Variants in APOBEC3C observed in about 807,000 individuals in gnomAD.
The protein encoded by APOBEC3C is DNA dC->dU-editing enzyme APOBEC-3C.
A neutral mutation model predicts 20.6 loss-of-function variants in APOBEC3C; 14 were observed. The observed-to-expected ratio is 0.68, with a 90% confidence interval of 0.45 to 1.06. APOBEC3C has a LOEUF of 1.06. Ranked by LOEUF, APOBEC3C falls within the 50% of genes least tolerant of loss-of-function variation. APOBEC3C has a pLI of 0.00. For missense variants in APOBEC3C, 244 were observed against 241.9 expected (o/e 1.01, Z -0.06); for synonymous variants, 98 against 88.8 (o/e 1.10, Z -0.58).
intron 2 of APOBEC3C, among the ~76,000 whole-genome samples, chr22:39,015,978 C>T (rs1026986144): frequency 3.3e-5 from 5 of 150,768 alleles, no homozygotes; most frequent in African/African-American, 7.3e-5. Context: ...CAGGTTCACG[C>T]GATTCTCCTG....
At chr22:39,018,197 TG>T in intron 3 of APOBEC3C, 71 bp from the exon 4 acceptor site, 1 of 1,576,296 alleles carries the variant, frequency 6.3e-7, no homozygotes, top group Non-Finnish European at 8.6e-7. Context: ...ATACCTGGGC[TG>T]GGAGGGGAGG....
At position 39,018,497 on chromosome 22, in the gene APOBEC3C, C is replaced by G. The variant is rs1160911095; in HGVS notation, c.*110C>G. 3 of 1,322,578 alleles carry G rather than the reference C, an allele frequency of 2.3e-6. No individual in the cohort carries two copies. The highest frequency in any genetic ancestry group is 3.0e-5 in the African/African-American group (2 of 67,724). The allele number at this position is 1,322,578 out of a possible 1,614,324, so 81.9% of individuals were successfully genotyped here. ...GTTTCTGCCTGGTCATCCTGAGCCC[C>G]TCCTGGCCTCAGGGCCATTCCACAG... is the stretch of plus-strand genomic sequence containing the variant. On this transcript the variant is annotated 3_prime_UTR_variant, in exon 4 of 4. Transcript: ENST00000361441.
Position 39,018,292 on chromosome 22 carries a change from T to G in APOBEC3C, c.478T>G (p.Phe160Val). Residue 160 changes from phenylalanine (F) to valine (V), a missense_variant, in exon 4 of 4, where the codon TTT becomes GTT. By Grantham distance (50) the Phe-to-Val change is conservative. Transcript: ENST00000361441. ...YEDFKYCWEN[F>V]VYNDNEPFKP... ...AGATTTTAAATATTGTTGGGAAAAC[T>G]TTGTGTACAATGATAATGAGCCATT... 1 of 1,613,900 alleles carries G rather than the reference T, an allele frequency of 6.2e-7. No individual in the cohort carries two copies. The highest frequency in any genetic ancestry group is 8.5e-7 in the Non-Finnish European group (1 of 1,179,916).
rs534555697 is a variant in APOBEC3C, at chr22:39,015,801, A to T, written c.174+50A>T. The T allele has an allele frequency of 7.0e-6, 11 of 1,572,310 alleles. No homozygotes were observed. In the East Asian group the frequency reaches 1.4e-4, roughly 19 times the overall value. ...CCTAAATAGGAGCTAAGCAGCTGGG[A>T]ATGCAGAAAACGCAACAATAAGTGA... On this transcript the variant is annotated intron_variant, in intron 2 of 3. Transcript: ENST00000361441.
rs1464063716 is a variant in APOBEC3C at position 39,015,627 on chromosome 22, T to C, written c.50T>C (p.Phe17Ser). The change falls in exon 2 of 4, where the codon TTC (phenylalanine) becomes TCC (serine). Residue 17 changes from phenylalanine (F) to serine (S), a missense_variant. Phe to Ser is a radical substitution (Grantham distance 155). Transcript: ENST00000361441. ...NPMKAMYPGT[F>S]YFQFKNLWEA... The stretch of plus-strand genomic sequence containing the variant: ...ATGAAGGCAATGTATCCAGGCACAT[T>C]CTACTTCCAATTTAAAAACCTATGG... The C allele has an allele frequency of 6.2e-6, 10 of 1,614,028 alleles. No individual in the cohort carries two copies. Among genetic ancestry groups the C allele is most frequent in the Non-Finnish European group, 7.6e-6 (9 of 1,180,018 alleles).
chr22:39,015,545 G>A (rs370883473), intron 1 of APOBEC3C, 50 bp from the exon 2 acceptor site: 36 of 1,592,400 alleles, frequency 2.3e-5, no homozygotes, highest in Admixed American at 8.6e-5. Flanking sequence ...CAGCCCTGAG[G>A]ACTCCGGTGC....
Position 39,014,343 on chromosome 22 carries a change from G to A in APOBEC3C, c.-20G>A. ...TCAGAAAAGAGTGGGACAGGGACAA[G>A]CATATCTAAGAGGCTGAACATGAAT... is the stretch of plus-strand genomic sequence containing the variant. On this transcript the variant is annotated 5_prime_UTR_variant, in exon 1 of 4. Transcript: ENST00000361441. 6.2e-7 allele frequency: 1 copy of A among 1,614,176 alleles called. No homozygotes were observed. Among genetic ancestry groups the A allele is most frequent in the Non-Finnish European group, 8.5e-7 (1 of 1,180,010 alleles).
rs547553097 is a variant in APOBEC3C at position 39,018,532 on chromosome 22, G to A, written c.*145G>A. On this transcript the variant is annotated 3_prime_UTR_variant, in exon 4 of 4. Coordinates refer to ENST00000361441, the MANE Select transcript of APOBEC3C (RefSeq NM_014508.3). Reference sequence around the variant, plus strand: ...CAGGGCCATTCCACAGTGCTCCCCTGCCTCACCGCTTCCTCCTCGCTCTTC... The same window carrying A: ...CAGGGCCATTCCACAGTGCTCCCCTACCTCACCGCTTCCTCCTCGCTCTTC... 4 of 915,724 alleles carry A rather than the reference G, an allele frequency of 4.4e-6. No homozygotes were observed. Among genetic ancestry groups the A allele is most frequent in the South Asian group, 3.4e-5 (2 of 59,648 alleles). 56.7% of individuals were successfully genotyped at this position (915,724 alleles called of 1,614,324 possible). A position where few individuals can be genotyped will look rare whatever the true frequency, so the allele number is the denominator to read the frequency against.
intron 2 of APOBEC3C, 28 bp downstream of exon 2, chr22:39,015,779 A>G (rs1254524354): frequency 6.2e-7 from 1 of 1,603,476 alleles, no homozygotes; most frequent in Admixed American, 1.7e-5. Context: ...GTTACACCCT[A>G]AATAGGAGCT....
At chr22:39,014,645 T>A (rs1173847338) in intron 1 of APOBEC3C, among the ~76,000 whole-genome samples, 1 of 152,182 alleles carries the variant, frequency 6.6e-6, no homozygotes, top group Non-Finnish European at 1.5e-5. Context: ...CCCGGGCTGG[T>A]GCTTCCCGCC....
At position 39,018,054 on chromosome 22, in the gene APOBEC3C, T is replaced by G; in HGVS notation, c.454+9T>G. On this transcript the variant is annotated intron_variant, in intron 3 of 3. Transcript: ENST00000361441. The stretch of plus-strand genomic sequence containing the variant: ...GATCATGGACTATGAAGGTGAGACG[T>G]GGGGGGCTGAGGAGAGTGGGTGCAG... 6.2e-7 allele frequency: 1 copy of G among 1,613,146 alleles called. No homozygotes were observed. Among genetic ancestry groups the G allele is most frequent in the South Asian group, 1.1e-5 (1 of 91,026 alleles).
chr22:39,015,505 G>A, intron 1 of APOBEC3C, 90 bp from the exon 2 acceptor site: 1 of 1,467,704 alleles, frequency 6.8e-7, no homozygotes, highest in Non-Finnish European at 9.2e-7. Flanking sequence ...AGAGCCCAGG[G>A]ACGTCCAGGC....
At position 39,019,374 on chromosome 22, in the gene APOBEC3C, C is replaced by T. The variant is rs1408051066; in HGVS notation, c.*987C>T. The T allele has an allele frequency of 3.3e-5, 5 of 152,226 alleles. No individual in the cohort carries two copies. The highest frequency in any genetic ancestry group is 7.3e-5 in the Non-Finnish European group (5 of 68,046). 9.4% of individuals were successfully genotyped at this position (152,226 alleles called of 1,614,324 possible). On this transcript the variant is annotated 3_prime_UTR_variant, in exon 4 of 4. Transcript: ENST00000361441. ...TTACATAGGGCAAGAGAACATTTCT[C>T]CTTCTATAATTGCCATCTCTTTGCT...
In APOBEC3C at chr22:39,018,294, T is replaced by G. The variant is rs746458999; in HGVS notation, c.480T>G (p.Phe160Leu). 6.2e-7 allele frequency: 1 copy of G among 1,613,876 alleles called. No homozygotes were observed. Among genetic ancestry groups the G allele is most frequent in the South Asian group, 1.1e-5 (1 of 91,048 alleles). The change falls in exon 4 of 4, where the codon TTT becomes TTG. Residue 160 changes from phenylalanine to leucine, a missense_variant. Transcript: ENST00000361441. ...ATTTTAAATATTGTTGGGAAAACTT[T>G]GTGTACAATGATAATGAGCCATTCA... ...YEDFKYCWEN[F>L]VYNDNEPFKP...
Position 39,014,416 on chromosome 22 carries a change from C to G in APOBEC3C, c.17+37C>G, listed in dbSNP as rs368817718. 9 of 1,613,630 alleles carry G rather than the reference C, an allele frequency of 5.6e-6. No homozygotes were observed. In the African/African-American group the frequency reaches 1.1e-4, roughly 19 times the overall value. On this transcript the variant is annotated intron_variant, in intron 1 of 3. Transcript: ENST00000361441. ...CGCTTTGTCCGCCAGGCCCCTCCTG[C>G]CACTTCCTGCCAGGCGGTCCTGCTG...
intron 2 of APOBEC3C, 96 bp from the exon 3 acceptor site, chr22:39,017,670 G>A: frequency 6.8e-7 from 1 of 1,460,768 alleles, no homozygotes; most frequent in South Asian, 1.3e-5. Flanking sequence ...AAACGGCCCG[G>A]GGCTCCAGGC....
chr22:39,014,463 C>G, intron 1 of APOBEC3C, 84 bp downstream of exon 1: 1 of 1,570,216 alleles, frequency 6.4e-7, no homozygotes, highest in Non-Finnish European at 8.7e-7. Context: ...TGGCCTCCCC[C>G]TGCCCCAGCC....
At chr22:39,015,772 A>G in intron 2 of APOBEC3C, 21 bp downstream of exon 2, 1 of 1,610,088 alleles carries the variant, frequency 6.2e-7, no homozygotes, top group East Asian at 2.2e-5. Context: ...AGTCCTAGTT[A>G]CACCCTAAAT....
At position 39,015,607 on chromosome 22, in the gene APOBEC3C, G is replaced by T. The variant is rs1181691402; in HGVS notation, c.30G>T (p.Lys10Asn). Residue 10 changes from lysine (K) to asparagine (N), a missense_variant, in exon 2 of 4, where the codon AAG becomes AAT. Physicochemically the swap from Lys to Asn is moderately conservative, Grantham distance 94 (BLOSUM62 0). Transcript: ENST00000361441. MNPQIRNPM[K>N]AMYPGTFYFQ... ...CTTGTGCCTTCAGAAACCCGATGAA[G>T]GCAATGTATCCAGGCACATTCTACT... The T allele has an allele frequency of 6.2e-7, 1 of 1,613,874 alleles. No homozygotes were observed. The highest frequency in any genetic ancestry group is 8.5e-7 in the Non-Finnish European group (1 of 1,179,960).
Sources: gnomAD v4.1 joint callset for allele counts (sites outside exome capture counted in the v4.1 genomes callset) on GRCh38, gnomAD v4.1.1 for gene constraint, MANE v1.5 for transcripts, NCBI Gene and HGNC (gene_info 2026-07-23, HGNC 2026-07-21) for gene names.